The following RORA variants were observed in gnomAD, a reference collection of about 807,000 sequenced individuals.
RORA encodes the protein RAR related orphan receptor A.
A neutral mutation model predicts 69.5 loss-of-function variants in RORA; 7 were observed. The observed-to-expected ratio is 0.10, with a 90% CI of 0.06 to 0.19. RORA has a LOEUF of 0.19. Ranked by LOEUF, RORA falls within the 10% of genes least tolerant of loss-of-function variation. The pLI, the probability that RORA is intolerant of heterozygous loss-of-function variation, is 1.00. For missense variants in RORA, 457 were observed against 663.0 expected (o/e 0.69, Z 3.41); for synonymous variants, 261 against 240.8 (o/e 1.08, Z -0.78).
At chr15:60,806,452 C>G (rs1278412909) in intron 1 of RORA, among the ~76,000 whole-genome samples, 1 of 152,204 alleles carries the variant, frequency 6.6e-6, no homozygotes, top group Non-Finnish European at 1.5e-5. Context: ...GAATGCCACT[C>G]TTTTAATATC....
chr15:61,168,181 C>A (rs896954128), intron 1 of RORA, among the ~76,000 whole-genome samples: 1 of 150,550 alleles, frequency 6.6e-6, no homozygotes, highest in African/African-American at 2.4e-5. Context: ...TAAATCATTA[C>A]ATATATACAC....
intron 2 of RORA, among the ~76,000 whole-genome samples, chr15:60,591,139 C>T (rs2068490576): frequency 6.6e-6 from 1 of 152,194 alleles, no homozygotes; most frequent in East Asian, 1.9e-4. Flanking sequence ...GTGGCTAGGA[C>T]CCGCAGGACA....
intron 1 of RORA, among the ~76,000 whole-genome samples, chr15:60,934,424 T>C (rs1239868553): frequency 6.6e-6 from 1 of 152,166 alleles, no homozygotes; most frequent in Admixed American, 6.5e-5. Flanking sequence ...GGGCCATAAC[T>C]CCAGAGTATT....
intron 1 of RORA, among the ~76,000 whole-genome samples, chr15:60,865,102 C>T (rs978730095): frequency 5.3e-5 from 8 of 152,326 alleles, no homozygotes; most frequent in Admixed American, 4.6e-4. Flanking sequence ...CCTGGTCCAA[C>T]GTTCTTTCCA....
intron 1 of RORA, among the ~76,000 whole-genome samples, chr15:60,804,287 C>CAAAAAAAAAAAACAAAAAAA (rs2072627878): frequency 1.7e-5 from 1 of 58,170 alleles, no homozygotes. Flanking sequence ...AACTCCATCT[C>CAAAAAAAAAAAACAAAAAAA]AAAAAAAAAA....
chr15:61,212,856 A>G (rs1366471531), intron 1 of RORA, among the ~76,000 whole-genome samples: 1 of 152,180 alleles, frequency 6.6e-6, no homozygotes, highest in African/African-American at 2.4e-5. Flanking sequence ...TTCAAAATCC[A>G]TGAACATCAC....
intron 2 of RORA, among the ~76,000 whole-genome samples, chr15:60,622,982 C>T (rs566236531): frequency 2.6e-5 from 4 of 152,322 alleles, no homozygotes; most frequent in African/African-American, 9.6e-5. Flanking sequence ...TCCCAAAGTG[C>T]TGGGATTACA....
At chr15:60,656,985 A>C (rs1049974220) in intron 2 of RORA, among the ~76,000 whole-genome samples, 6 of 152,248 alleles carry the variant, frequency 3.9e-5, no homozygotes, top group Admixed American at 2.0e-4. Flanking sequence ...AATTAGAAGA[A>C]TAGAAAGACC....
At chr15:61,189,122 C>T (rs1184861343) in intron 1 of RORA, among the ~76,000 whole-genome samples, 1 of 152,172 alleles carries the variant, frequency 6.6e-6, no homozygotes, top group Non-Finnish European at 1.5e-5. Flanking sequence ...AGGTAAGAAA[C>T]AGCAACCCAC....
At chr15:61,124,841 C>G (rs1287046869) in intron 1 of RORA, among the ~76,000 whole-genome samples, 1 of 152,186 alleles carries the variant, frequency 6.6e-6, no homozygotes, top group East Asian at 1.9e-4. Flanking sequence ...GATTGCTAAC[C>G]TTCCACTCTG....
chr15:61,124,063 G>A (rs1464182929), intron 1 of RORA, among the ~76,000 whole-genome samples: 4 of 152,136 alleles, frequency 2.6e-5, no homozygotes, highest in African/African-American at 7.2e-5. Flanking sequence ...TTCCTTACCC[G>A]CCAGCACCTA....
At chr15:60,552,549 G>A (rs1054465864) in intron 2 of RORA, among the ~76,000 whole-genome samples, 2 of 152,128 alleles carry the variant, frequency 1.3e-5, no homozygotes, top group African/African-American at 4.8e-5. Flanking sequence ...CATAGCAGGT[G>A]CTCCAAAGGA....
At chr15:60,591,556 G>C (rs2068512315) in intron 2 of RORA, among the ~76,000 whole-genome samples, 1 of 152,016 alleles carries the variant, frequency 6.6e-6, no homozygotes. Flanking sequence ...GATGAGGGCG[G>C]AAGGCCGGGC....
intron 1 of RORA, among the ~76,000 whole-genome samples, chr15:61,205,622 G>A (rs530784456): frequency 2.6e-5 from 4 of 152,304 alleles, no homozygotes; most frequent in East Asian, 1.9e-4. Flanking sequence ...GGAATGAAAG[G>A]AAAACCTGCA....
At chr15:60,857,853 T>A (rs2073397038) in intron 1 of RORA, among the ~76,000 whole-genome samples, 1 of 152,206 alleles carries the variant, frequency 6.6e-6, no homozygotes, top group South Asian at 2.1e-4. Flanking sequence ...AAGGAGGTCT[T>A]ACAGATCACA....
At chr15:60,808,363 T>C (rs1311385110) in intron 1 of RORA, among the ~76,000 whole-genome samples, 1 of 152,172 alleles carries the variant, frequency 6.6e-6, no homozygotes, top group African/African-American at 2.4e-5. Flanking sequence ...CACAGTGGAA[T>C]ACCACTTCAC....
chr15:61,194,828 G>A (rs1250524308), intron 1 of RORA, among the ~76,000 whole-genome samples: 1 of 152,066 alleles, frequency 6.6e-6, no homozygotes. Context: ...TTTTCCAATC[G>A]TGTGACCTTG....
At chr15:60,544,005 G>A (rs945481183) in intron 2 of RORA, among the ~76,000 whole-genome samples, 5 of 152,166 alleles carry the variant, frequency 3.3e-5, no homozygotes, top group Non-Finnish European at 5.9e-5. Context: ...GGTGGTAAGT[G>A]GAGGAAGTGG....
At chr15:61,041,971 A>C (rs984648206) in intron 1 of RORA, among the ~76,000 whole-genome samples, 7 of 152,194 alleles carry the variant, frequency 4.6e-5, no homozygotes, top group African/African-American at 1.7e-4. Context: ...TAACTTGCCC[A>C]AGGAGTCACA....
Sources: gnomAD v4.1 joint callset for allele counts (sites outside exome capture counted in the v4.1 genomes callset) on GRCh38, gnomAD v4.1.1 for gene constraint, MANE v1.5 for transcripts, NCBI Gene and HGNC (gene_info 2026-07-23, HGNC 2026-07-21) for gene names.